ATG5: variants seen among roughly 807,000 people sequenced by gnomAD.
ATG5 encodes autophagy related 5.
ATG5 carries 14 observed loss-of-function variants against 36.5 expected under a neutral mutation model. The ratio of observed to expected loss-of-function variants is 0.38; its 90% CI spans 0.25 to 0.60. ATG5 has a LOEUF of 0.60. Ranked by LOEUF, ATG5 falls within the 20% of genes least tolerant of loss-of-function variation. ATG5 has a pLI of 0.60. For missense variants in ATG5, 195 were observed against 326.7 expected (o/e 0.60, Z 3.11); for synonymous variants, 95 against 101.5 (o/e 0.94, Z 0.38).
chr6:106,314,659 CTT>C (rs1221708553), intron 2 of ATG5, among the ~76,000 whole-genome samples: 2 of 151,990 alleles, frequency 1.3e-5, no homozygotes, highest in Non-Finnish European at 2.9e-5. Context: ...CTCACATACT[CTT>C]ATATACTATT....
chr6:106,316,274 T>C lies in ATG5; in HGVS notation c.-58-8A>G. 2.4e-6 allele frequency: 3 copies of C among 1,231,752 alleles called. No individual in the cohort carries two copies. The highest frequency in any genetic ancestry group is 3.5e-6 in the Non-Finnish European group (3 of 847,302). 76.3% of individuals were successfully genotyped at this position (1,231,752 alleles called of 1,614,324 possible). A position where few individuals can be genotyped will look rare whatever the true frequency, so the allele number is the denominator to read the frequency against. Reference sequence around the variant, plus strand: ...ATTTCAACCAAAGCCAAACTGAAAATAAAATGAAGAGCATTAGTCAGATCC... The same window carrying C: ...ATTTCAACCAAAGCCAAACTGAAAACAAAATGAAGAGCATTAGTCAGATCC... On this transcript the variant is annotated splice_polypyrimidine_tract_variant and splice_region_variant and intron_variant, in intron 1 of 7. Transcript: ENST00000369076.
chr6:106,188,003 T>C (rs1382076718), intron 7 of ATG5, among the ~76,000 whole-genome samples: 1 of 152,242 alleles, frequency 6.6e-6, no homozygotes, highest in East Asian at 1.9e-4. Flanking sequence ...GGTATCACTT[T>C]ATAATACTAC....
intron 4 of ATG5, among the ~76,000 whole-genome samples, chr6:106,289,523 T>A (rs1780219598): frequency 6.6e-6 from 1 of 152,182 alleles, no homozygotes; most frequent in Non-Finnish European, 1.5e-5. Flanking sequence ...GTAATTTCCT[T>A]ATTAACTGTA....
Position 106,313,055 on chromosome 6 carries a change from T to C in ATG5, c.108+3046A>G, listed in dbSNP as rs1204694988. ...GTGAAGGAGCCAGCAGATAAGAAGT[T>C]GAAAGTAAAATAAACAGAGAAGGCA... On this transcript the variant is annotated intron_variant, in intron 2 of 7. Transcript: ENST00000369076. Among the ~76,000 whole-genome samples the C allele has an allele frequency of 2.0e-5, 3 of 152,042 alleles. No individual in the cohort carries two copies. In the East Asian group the frequency reaches 5.8e-4, roughly 29 times the overall value.
At chr6:106,279,192 T>C (rs1582645879) in intron 5 of ATG5, among the ~76,000 whole-genome samples, 1 of 152,332 alleles carries the variant, frequency 6.6e-6, no homozygotes, top group East Asian at 1.9e-4. Context: ...ACTTAGCTTT[T>C]TCCTTGGGAG....
intron 6 of ATG5, chr6:106,217,612 A>T (rs1327221965): frequency 4.6e-5 from 7 of 152,172 alleles, no homozygotes; most frequent in Admixed American, 4.6e-4. Flanking sequence ...CTGAATGGGG[A>T]AGAGAAACGC....
intron 4 of ATG5, among the ~76,000 whole-genome samples, chr6:106,285,344 C>A (rs1027863453): frequency 6.6e-6 from 1 of 151,976 alleles, no homozygotes; most frequent in Admixed American, 6.6e-5. Flanking sequence ...AGGTCAGTTT[C>A]TATTGAGAGT....
At chr6:106,270,466 A>G (rs912316536) in intron 5 of ATG5, among the ~76,000 whole-genome samples, 1 of 152,224 alleles carries the variant, frequency 6.6e-6, no homozygotes, top group Non-Finnish European at 1.5e-5. Context: ...TAGCTCAGCT[A>G]TATGTACAAA....
chr6:106,225,615 C>A (rs544730588), intron 6 of ATG5, among the ~76,000 whole-genome samples: 1 of 152,104 alleles, frequency 6.6e-6, no homozygotes, highest in African/African-American at 2.4e-5. Flanking sequence ...CCTGAATATA[C>A]TCTCCTCCAT....
At position 106,242,829 on chromosome 6, in the gene ATG5, A is replaced by C. The variant is rs186327589; in HGVS notation, c.573+5321T>G. Among the ~76,000 whole-genome samples, 65 of 152,322 alleles carry C rather than the reference A, an allele frequency of 4.3e-4. 1 individual carries two copies. The highest frequency in any genetic ancestry group is 1.4e-3 in the Admixed American group (21 of 15,298). On this transcript the variant is annotated intron_variant, in intron 6 of 7. Transcript: ENST00000369076. ...CTTTCATGGTTCCTGACTTTTCTGT[A>C]AGATGTTATTGCAAGATATCTACTA...
At chr6:106,199,337 C>T (rs986716614) in intron 7 of ATG5, among the ~76,000 whole-genome samples, 1 of 152,158 alleles carries the variant, frequency 6.6e-6, no homozygotes, top group Non-Finnish European at 1.5e-5. Context: ...TCAGCTGGTA[C>T]AGGGAGAACC....
chr6:106,297,965 ATTT>A (rs34194209), intron 3 of ATG5, among the ~76,000 whole-genome samples: 5 of 134,624 alleles, frequency 3.7e-5, no homozygotes, highest in Admixed American at 7.6e-5. Context: ...GTCAAAATCT[ATTT>A]TTTTTTTTTT....
At chr6:106,192,826 A>G (rs1285956905) in intron 7 of ATG5, among the ~76,000 whole-genome samples, 1 of 152,208 alleles carries the variant, frequency 6.6e-6, no homozygotes, top group African/African-American at 2.4e-5. Context: ...TAGCCTGAAC[A>G]ATTTTGTTCT....
At chr6:106,197,762 G>T (rs954824636) in intron 7 of ATG5, among the ~76,000 whole-genome samples, 1 of 152,142 alleles carries the variant, frequency 6.6e-6, no homozygotes, top group Non-Finnish European at 1.5e-5. Context: ...CCAATCTCCA[G>T]GCAGTAGAGC....
intron 3 of ATG5, among the ~76,000 whole-genome samples, chr6:106,296,588 C>T (rs527696219): frequency 1.3e-5 from 2 of 152,232 alleles, no homozygotes; most frequent in South Asian, 2.1e-4. Context: ...GAGGCTGAGG[C>T]GGGTGGTTCA....
chr6:106,204,231 A>G (rs1261032976), intron 6 of ATG5, among the ~76,000 whole-genome samples: 1 of 152,212 alleles, frequency 6.6e-6, no homozygotes, highest in Non-Finnish European at 1.5e-5. Context: ...TATAATACAA[A>G]ATGAAAAAAT....
At chr6:106,308,243 G>A in intron 3 of ATG5, 121 bp downstream of exon 3, 1 of 777,016 alleles carries the variant, frequency 1.3e-6, no homozygotes, top group Non-Finnish European at 1.8e-6. Flanking sequence ...TTCACATATT[G>A]TATGAGCTAG....
chr6:106,237,405 C>G (rs1246813316), intron 6 of ATG5, among the ~76,000 whole-genome samples: 1 of 152,120 alleles, frequency 6.6e-6, no homozygotes, highest in Non-Finnish European at 1.5e-5. Context: ...AAAGATATTT[C>G]TTTATAATAT....
At chr6:106,285,946 A>C (rs1780060150) in intron 4 of ATG5, among the ~76,000 whole-genome samples, 1 of 152,236 alleles carries the variant, frequency 6.6e-6, no homozygotes, top group Non-Finnish European at 1.5e-5. Context: ...CCTTTCTGGC[A>C]TCTCAAGTAA....
Sources: allele counts gnomAD v4.1 joint callset (sites outside exome capture counted in the v4.1 genomes callset), GRCh38; gene constraint gnomAD v4.1.1; transcripts MANE v1.5; gene names NCBI Gene and HGNC (gene_info 2026-07-23, HGNC 2026-07-21).